GDA: variants seen among roughly 807,000 people sequenced by gnomAD.
GDA encodes guanine deaminase.
In GDA, 18 loss-of-function variants were observed where a neutral mutation model predicts 59.6. The observed-to-expected ratio is 0.30, with a 90% CI of 0.21 to 0.45. The LOEUF is 0.45. Ranked by LOEUF, GDA falls within the 20% of genes least tolerant of loss-of-function variation. The probability of loss-of-function intolerance (pLI) is 1.00; values close to 1 mark genes in which losing one functional copy is unlikely to be tolerated. For synonymous variants in GDA, 201 were observed against 201.1 expected, an observed-to-expected ratio of 1.00 and a Z score of 0.00; for missense variants, 427 against 552.3, an observed-to-expected ratio of 0.77 and a Z score of 2.27.
intron 1 of GDA, among the ~76,000 whole-genome samples, chr9:72,162,222 C>G (rs774359292): frequency 4.6e-5 from 7 of 152,090 alleles, no homozygotes; most frequent in Non-Finnish European, 1.0e-4. Flanking sequence ...TGATGGAGAG[C>G]AAGGATCTCA....
intron 1 of GDA, among the ~76,000 whole-genome samples, chr9:72,153,842 T>C (rs906032577): frequency 1.5e-4 from 21 of 141,716 alleles, no homozygotes; most frequent in Admixed American, 1.3e-3. Flanking sequence ...AGGGATAGCA[T>C]TAGGAGATAT....
chr9:72,189,630 C>T (rs1832292137), intron 1 of GDA, among the ~76,000 whole-genome samples: 1 of 152,132 alleles, frequency 6.6e-6, no homozygotes, highest in Admixed American at 6.5e-5. Context: ...CAGTTGAGCT[C>T]AGGAGTTCGA....
intron 5 of GDA, among the ~76,000 whole-genome samples, chr9:72,215,927 G>T (rs11143174): frequency 0.11 from 17,097 of 152,258 alleles, 1,384 homozygotes; most frequent in African/African-American, 0.22. Context: ...TGCAGAGCAG[G>T]TTCACTGCAC....
chr9:72,250,672 T>A lies in GDA; in HGVS notation c.*2330T>A. ...TTGCCTTTGCCTAATGTAGGTTGAC[T>A]TTCTGAATTGTGGAGAGGCACTTTT... is the stretch of plus-strand genomic sequence containing the variant. On this transcript the variant is annotated 3_prime_UTR_variant, in exon 14 of 14. Coordinates refer to ENST00000358399, the MANE Select transcript of GDA (RefSeq NM_004293.5). The A allele has an allele frequency of 6.2e-7, 1 of 1,609,606 alleles. No individual in the cohort carries two copies. The highest frequency in any genetic ancestry group is 8.5e-7 in the Non-Finnish European group (1 of 1,178,612).
chr9:72,203,445 A>G (rs1031913796), intron 3 of GDA, among the ~76,000 whole-genome samples: 2 of 152,216 alleles, frequency 1.3e-5, no homozygotes, highest in African/African-American at 4.8e-5. Context: ...GAACAGTGGC[A>G]GTAGTGTGTA....
chr9:72,222,292 T>G (rs1836984109), intron 6 of GDA, among the ~76,000 whole-genome samples: 1 of 152,248 alleles, frequency 6.6e-6, no homozygotes. Context: ...AGTTTTGATT[T>G]GTATTTCTCT....
intron 10 of GDA, among the ~76,000 whole-genome samples, chr9:72,232,268 T>C (rs1838448547): frequency 6.6e-6 from 1 of 152,206 alleles, no homozygotes; most frequent in Non-Finnish European, 1.5e-5. Flanking sequence ...TTTCATCACT[T>C]TCTGCAGGAA....
chr9:72,175,149 C>T (rs995916398), intron 1 of GDA, among the ~76,000 whole-genome samples: 1 of 152,018 alleles, frequency 6.6e-6, no homozygotes, highest in African/African-American at 2.4e-5. Flanking sequence ...AATGGGAAAC[C>T]ATTGCCATTG....
At chr9:72,189,097 G>A (rs1039674702) in intron 1 of GDA, among the ~76,000 whole-genome samples, 6 of 146,510 alleles carry the variant, frequency 4.1e-5, no homozygotes, top group South Asian at 2.2e-4. Flanking sequence ...GCTCACAGCT[G>A]TAGGAATATG....
chr9:72,245,142 C>A lies in GDA; in HGVS notation c.1136-6C>A. ...TCCTGACTGTTTATTCACTTGTTCT[C>A]AATAGCCCTGGGGCTGGATGGTGAG... On this transcript the variant is annotated splice_region_variant and splice_polypyrimidine_tract_variant and intron_variant, in intron 11 of 13. Transcript: ENST00000358399. The A allele has an allele frequency of 6.2e-7, 1 of 1,613,304 alleles. No homozygotes were observed. The highest frequency in any genetic ancestry group is 1.1e-5 in the South Asian group (1 of 91,008).
chr9:72,249,222 T>TGAACTGGG lies in GDA; in HGVS notation c.*882_*889dup. On this transcript the variant is annotated 3_prime_UTR_variant, in exon 14 of 14. Transcript: ENST00000358399. The stretch of plus-strand genomic sequence containing the variant: ...GAATTTATGTAGACTGGAGTCTTCG[T>TGAACTGGG]GAACTGGGGCAAATGCTGGCATCCA... 4.1e-6 allele frequency: 4 copies of TGAACTGGG among 985,026 alleles called. No individual in the cohort carries two copies. The highest frequency in any genetic ancestry group is 4.8e-6 in the Non-Finnish European group (4 of 829,582). 61.0% of individuals were successfully genotyped at this position (985,026 alleles called of 1,614,324 possible).
At chr9:72,142,350 T>G (rs1269704068) in intron 1 of GDA, among the ~76,000 whole-genome samples, 1 of 152,102 alleles carries the variant, frequency 6.6e-6, no homozygotes, top group Non-Finnish European at 1.5e-5. Flanking sequence ...GTGCGGTAGC[T>G]CATACCTGTA....
rs73650310 is a variant in GDA at position 72,215,294 on chromosome 9, A to G, written c.578+1303A>G. Among the ~76,000 whole-genome samples, 294 of 152,014 alleles carry G rather than the reference A, an allele frequency of 1.9e-3. 2 individuals are homozygous for G. The highest frequency in any genetic ancestry group is 6.8e-3 in the African/African-American group (281 of 41,498). On this transcript the variant is annotated intron_variant, in intron 5 of 13. Transcript: ENST00000358399. The stretch of plus-strand genomic sequence containing the variant: ...AGATACCAAAGTAATATGTGTTTCC[A>G]TGGTCCAGAACTTAGAGAAACACAA...
chr9:72,136,812 A>G (rs1282273946), intron 1 of GDA, among the ~76,000 whole-genome samples: 4 of 152,092 alleles, frequency 2.6e-5, no homozygotes, highest in Non-Finnish European at 4.4e-5. Flanking sequence ...CATCTCTAGT[A>G]AAAATACAAA....
chr9:72,183,462 GA>G (rs1831503123), intron 1 of GDA, among the ~76,000 whole-genome samples: 1 of 151,940 alleles, frequency 6.6e-6, no homozygotes, highest in African/African-American at 2.4e-5. Context: ...TGAATGGAAG[GA>G]AAAGGAAAGG....
intron 2 of GDA, among the ~76,000 whole-genome samples, chr9:72,196,539 G>A (rs1833205910): frequency 6.6e-6 from 1 of 150,832 alleles, no homozygotes; most frequent in Non-Finnish European, 1.5e-5. Context: ...ATGCTTTATG[G>A]AAATGGGAAA....
intron 12 of GDA, among the ~76,000 whole-genome samples, chr9:72,246,895 C>T (rs1264997459): frequency 6.6e-6 from 1 of 152,130 alleles, no homozygotes; most frequent in Non-Finnish European, 1.5e-5. Context: ...TCAGGGGTGT[C>T]CAAGGGAGTT....
At chr9:72,173,518 G>A (rs1587471813) in intron 1 of GDA, among the ~76,000 whole-genome samples, 1 of 151,690 alleles carries the variant, frequency 6.6e-6, no homozygotes. Flanking sequence ...TTTCGGAGGG[G>A]CAGGATTTCA....
intron 1 of GDA, among the ~76,000 whole-genome samples, chr9:72,170,472 C>G (rs895235728): frequency 6.6e-6 from 1 of 152,052 alleles, no homozygotes; most frequent in Non-Finnish European, 1.5e-5. Flanking sequence ...GGGCACAAGC[C>G]GGGATCGCTG....
Sources: gnomAD v4.1 joint callset for allele counts (sites outside exome capture counted in the v4.1 genomes callset) on GRCh38, gnomAD v4.1.1 for gene constraint, MANE v1.5 for transcripts, NCBI Gene and HGNC (gene_info 2026-07-23, HGNC 2026-07-21) for gene names.